LIN28B: variants seen among roughly 807,000 people sequenced by gnomAD.
The protein encoded by LIN28B is protein lin-28 homolog B.
LIN28B carries 5 observed loss-of-function variants against 21.9 expected under a neutral mutation model. The ratio of observed to expected loss-of-function variants is 0.23; its 90% CI spans 0.12 to 0.48. LIN28B has a LOEUF of 0.48. Among genes scored for constraint, LIN28B ranks in the 20% least tolerant of loss-of-function variants. The probability of loss-of-function intolerance (pLI) is 0.98; values close to 1 mark genes in which losing one functional copy is unlikely to be tolerated. For synonymous variants in LIN28B, 109 were observed against 111.3 expected (o/e 0.98, Z 0.13); for missense variants, 245 against 310.5 (o/e 0.79, Z 1.58).
At chr6:105,033,095 T>C (rs1179187803) in intron 3 of LIN28B, among the ~76,000 whole-genome samples, 1 of 152,196 alleles carries the variant, frequency 6.6e-6, no homozygotes, top group Admixed American at 6.5e-5. Flanking sequence ...CAATGATCCA[T>C]TTAGAGTTAG....
chr6:104,950,359 C>G, intron 2 of LIN28B: 1 of 604,038 alleles, frequency 1.7e-6, no homozygotes, highest in Non-Finnish European at 2.4e-6. Context: ...TTCACAGAGT[C>G]AAAACCTGGG....
At chr6:105,002,690 G>C in intron 2 of LIN28B, among the ~76,000 whole-genome samples, 2 of 152,272 alleles carry the variant, frequency 1.3e-5, no homozygotes, top group Middle Eastern at 6.8e-3. Flanking sequence ...TGAAGAGGTC[G>C]TCAATATTGC....
At chr6:105,053,719 G>A (rs867206938) in intron 3 of LIN28B, among the ~76,000 whole-genome samples, 2,167 of 150,526 alleles carry the variant, frequency 0.014, 64 homozygotes, top group African/African-American at 0.049. Flanking sequence ...GGGTGCGTGT[G>A]TGTGTGTGTG....
chr6:105,083,183 C>G lies in LIN28B; in HGVS notation c.*4400C>G, dbSNP rs1772570730. On this transcript the variant is annotated 3_prime_UTR_variant, in exon 4 of 4. Transcript: ENST00000345080. ...ATGCGTTTCACTCGCATGCAGTCAT[C>G]TGGAGGGACTGAAGCACTGTTTGCC... 1 of 152,596 alleles carries G rather than the reference C, an allele frequency of 6.6e-6. No individual in the cohort carries two copies. Among genetic ancestry groups the G allele is most frequent in the Non-Finnish European group, 1.5e-5 (1 of 68,028 alleles). 9.5% of individuals were successfully genotyped at this position (152,596 alleles called of 1,614,324 possible).
intron 2 of LIN28B, among the ~76,000 whole-genome samples, chr6:104,982,832 TC>T (rs1459457777): frequency 7.2e-5 from 11 of 152,346 alleles, no homozygotes; most frequent in African/African-American, 2.6e-4. Flanking sequence ...AGGATCTTGC[TC>T]TGCTGTCCAG....
At chr6:104,981,011 T>C (rs563948267) in intron 2 of LIN28B, among the ~76,000 whole-genome samples, 59 of 152,220 alleles carry the variant, frequency 3.9e-4, no homozygotes, top group African/African-American at 1.4e-3. Context: ...AGAACTAAGG[T>C]TGGACACCAC....
At chr6:104,963,653 T>C (rs1769799694) in intron 2 of LIN28B, among the ~76,000 whole-genome samples, 1 of 152,186 alleles carries the variant, frequency 6.6e-6, no homozygotes, top group Non-Finnish European at 1.5e-5. Context: ...CCCTTGCCCC[T>C]TCAAATGCAT....
At chr6:104,970,704 GTAGGGGT>G (rs1769959322) in intron 2 of LIN28B, among the ~76,000 whole-genome samples, 1 of 152,166 alleles carries the variant, frequency 6.6e-6, no homozygotes, top group African/African-American at 2.4e-5. Context: ...TGTAGAGAAA[GTAGGGGT>G]GGTGGTTGGG....
chr6:105,042,154 A>G (rs1219035912), intron 3 of LIN28B, among the ~76,000 whole-genome samples: 1 of 152,200 alleles, frequency 6.6e-6, no homozygotes, highest in Non-Finnish European at 1.5e-5. Flanking sequence ...CACAAGAATT[A>G]AAAGTAGGGG....
At chr6:105,053,107 G>A (rs1047764376) in intron 3 of LIN28B, among the ~76,000 whole-genome samples, 1 of 151,648 alleles carries the variant, frequency 6.6e-6, no homozygotes, top group African/African-American at 2.4e-5. Context: ...TTTGATCTAA[G>A]TGTTATTTAA....
At chr6:105,044,249 T>G (rs1024023112) in intron 3 of LIN28B, among the ~76,000 whole-genome samples, 3 of 152,202 alleles carry the variant, frequency 2.0e-5, no homozygotes, top group African/African-American at 7.2e-5. Context: ...CTTCCATACG[T>G]TACTTCTAAT....
chr6:104,948,907 TA>T (rs913285343), intron 2 of LIN28B, among the ~76,000 whole-genome samples: 2 of 152,076 alleles, frequency 1.3e-5, no homozygotes, highest in African/African-American at 2.4e-5. Flanking sequence ...ATTGGCTTTT[TA>T]AAAAAAACTC....
upstream of LIN28B, among the ~76,000 whole-genome samples, chr6:104,952,611 T>A (rs1224077270): frequency 6.6e-6 from 1 of 152,192 alleles, no homozygotes; most frequent in Non-Finnish European, 1.5e-5. Context: ...CTGAATTTTG[T>A]TGTAAATATT....
chr6:104,947,358 A>C (rs1372587685), intron 2 of LIN28B, among the ~76,000 whole-genome samples: 1 of 152,178 alleles, frequency 6.6e-6, no homozygotes, highest in Admixed American at 6.6e-5. Flanking sequence ...TCTGGACCTC[A>C]AGTGATCCAC....
chr6:105,034,024 G>C (rs1230145173), intron 3 of LIN28B, among the ~76,000 whole-genome samples: 3 of 151,842 alleles, frequency 2.0e-5, no homozygotes, highest in Non-Finnish European at 4.4e-5. Flanking sequence ...TTTATATATA[G>C]TTTAAATGTT....
intron 2 of LIN28B, among the ~76,000 whole-genome samples, chr6:104,970,703 AG>A (rs1769959186): frequency 6.6e-6 from 1 of 152,158 alleles, no homozygotes; most frequent in African/African-American, 2.4e-5. Flanking sequence ...GTGTAGAGAA[AG>A]TAGGGGTGGT....
At chr6:104,985,507 A>G (rs1206615900) in intron 2 of LIN28B, among the ~76,000 whole-genome samples, 1 of 152,182 alleles carries the variant, frequency 6.6e-6, no homozygotes, top group Non-Finnish European at 1.5e-5. Context: ...GATAGTACAT[A>G]TCTTGATATG....
At chr6:104,938,410 G>A (rs1778037710) in intron 2 of LIN28B, among the ~76,000 whole-genome samples, 1 of 152,090 alleles carries the variant, frequency 6.6e-6, no homozygotes, top group South Asian at 2.1e-4. Context: ...AGGGCCAGGT[G>A]GGCAGACTGC....
At chr6:105,005,227 C>A (rs942419493) in intron 2 of LIN28B, among the ~76,000 whole-genome samples, 1 of 152,122 alleles carries the variant, frequency 6.6e-6, no homozygotes, top group African/African-American at 2.4e-5. Flanking sequence ...GACCCCTCTA[C>A]CTTTTTTGTT....
Sources: gnomAD v4.1 joint callset for allele counts (sites outside exome capture counted in the v4.1 genomes callset) on GRCh38, gnomAD v4.1.1 for gene constraint, MANE v1.5 for transcripts, NCBI Gene and HGNC (gene_info 2026-07-23, HGNC 2026-07-21) for gene names.